Variants in AP4B1 observed in about 807,000 individuals in gnomAD.
The protein encoded by AP4B1 is adaptor related protein complex 4 subunit beta 1, also known as AP-4 complex subunit beta-1.
AP4B1 carries 49 observed loss-of-function variants against 76.5 expected under a neutral mutation model. The ratio of observed to expected loss-of-function variants is 0.64; its 90% CI spans 0.51 to 0.81. The LOEUF (loss-of-function observed/expected upper bound fraction) is 0.81, where lower values mean the gene tolerates loss of function less well. Ranked by LOEUF, AP4B1 falls within the 40% of genes least tolerant of loss-of-function variation. The pLI is 0.00. For synonymous variants in AP4B1, 330 were observed against 333.3 expected (o/e 0.99, Z 0.11); for missense variants, 911 against 904.9 (o/e 1.01, Z -0.09).
rs376130192 is a variant in AP4B1 at position 113,901,068 on chromosome 1, T to C, written c.617+168A>G. 72 of 949,602 alleles carry C rather than the reference T, an allele frequency of 7.6e-5. 2 individuals carry two copies. The South Asian group carries it at 9.4e-4, about 12-fold the overall frequency. The allele number at this position is 949,602 out of a possible 1,614,324, so 58.8% of individuals were successfully genotyped here. On this transcript the variant is annotated intron_variant, in intron 4 of 9. Transcript: ENST00000369569. ...GTTGCGGTAAGCCGAGATAGCGCCA[T>C]TGCACTCCAGCTTAGACAACAAGAG...
At chr1:113,904,867 C>CG (rs1668780616), upstream of AP4B1, 1 of 725,630 alleles carries the variant, frequency 1.4e-6, no homozygotes, top group Non-Finnish European at 2.4e-6. Flanking sequence ...TCCGTAGGGC[C>CG]GGCACGCTGG....
In AP4B1 at chr1:113,904,799, T is replaced by G; in HGVS notation, c.-82A>C. The G allele has an allele frequency of 8.5e-7, 1 of 1,170,098 alleles. No individual in the cohort carries two copies. 72.5% of individuals were successfully genotyped at this position (1,170,098 alleles called of 1,614,324 possible). Reference sequence around the variant, plus strand: ...TCTCGTCCTGATGTGGGAGCCTGAGTAAAGGAAATATGAGTCAGTGAAAAT... The same window carrying G: ...TCTCGTCCTGATGTGGGAGCCTGAGGAAAGGAAATATGAGTCAGTGAAAAT... On this transcript the variant is annotated 5_prime_UTR_variant, in exon 1 of 10. Transcript: ENST00000369569.
chr1:113,897,602 CA>C, intron 7 of AP4B1: 1 of 550,544 alleles, frequency 1.8e-6, no homozygotes, highest in Non-Finnish European at 3.2e-6. Context: ...CAAAACAAAA[CA>C]AAACAGAACT....
intron 1 of AP4B1, 97 bp downstream of exon 1, chr1:113,904,508 T>TGA (rs1166086219): frequency 8.6e-7 from 1 of 1,162,694 alleles, no homozygotes; most frequent in Non-Finnish European, 1.3e-6. Context: ...CTGCCACGTG[T>TGA]GAAAGCTAAT....
rs1332341926 is a variant in AP4B1, at chr1:113,897,856, T to C, written c.1286A>G (p.Asn429Ser). The change falls in exon 7 of 10, where the codon AAC becomes AGC. Residue 429 changes from asparagine (N) to serine (S), a missense_variant. Asn to Ser is a conservative substitution (Grantham distance 46). Transcript: ENST00000369569. ...ACAGTCTACCTCACTATCTTGAATG[T>C]TCTCTTCACAGCCGGGCAGGGCCTG... ...VCQALPGCEE[N>S]IQDSEGKQAL... is the part of the protein sequence containing the mutation. 1 of 1,614,142 alleles carries C rather than the reference T, an allele frequency of 6.2e-7. No homozygotes were observed. The highest frequency in any genetic ancestry group is 2.2e-5 in the East Asian group (1 of 44,884).
At chr1:113,903,177 T>G (rs1668522308) in intron 1 of AP4B1, among the ~76,000 whole-genome samples, 1 of 152,266 alleles carries the variant, frequency 6.6e-6, no homozygotes, top group Admixed American at 6.5e-5. Context: ...GCGATTCTCC[T>G]GCCTCAGCCT....
rs1182127183 is a variant in AP4B1 at position 113,896,008 on chromosome 1, C to T, written c.1541G>A (p.Arg514Gln). Residue 514 changes from arginine (R) to glutamine (Q), a missense_variant, in exon 9 of 10, where the codon CGA becomes CAA. Transcript: ENST00000369569. ...EEEKDMAVRD[R>Q]GLFYYRLLLV... ...GAGGAGGCGATAATAGAAGAGACCT[C>T]GGTCCCGTACAGCCATATCTTTTTC... 8 of 1,614,198 alleles carry T rather than the reference C, an allele frequency of 5.0e-6. No homozygotes were observed. The highest frequency in any genetic ancestry group is 1.3e-5 in the African/African-American group (1 of 75,044).
rs1253444838 is a variant in AP4B1 at position 113,904,647 on chromosome 1, G to T, written c.71C>A (p.Ala24Asp). Residue 24 changes from alanine to aspartate, a missense_variant, in exon 1 of 10, where the codon GCT becomes GAT. Transcript: ENST00000369569. ...GACATTCCGGTAGCGCAGCCTATCA[G>T]CTTGAATGTGAGGATTGCACAGAGC... ...KKALCNPHIQADRLRYRNVIQ... is the reference protein window; with the variant it reads ...KKALCNPHIQDDRLRYRNVIQ... 2 of 1,613,544 alleles carry T rather than the reference G, an allele frequency of 1.2e-6. No individual in the cohort carries two copies. Among genetic ancestry groups the T allele is most frequent in the Non-Finnish European group, 1.7e-6 (2 of 1,180,022 alleles).
intron 5 of AP4B1, chr1:113,899,405 G>T: frequency 1.0e-6 from 1 of 953,590 alleles, no homozygotes; most frequent in Non-Finnish European, 1.3e-6. Flanking sequence ...ACAATACATA[G>T]CCCATAGCAG....
intron 1 of AP4B1, among the ~76,000 whole-genome samples, chr1:113,903,652 C>G (rs1668588832): frequency 6.6e-6 from 1 of 152,216 alleles, no homozygotes; most frequent in African/African-American, 2.4e-5. Context: ...TGAGCAGGAG[C>G]TCACTAGGCA....
intron 7 of AP4B1, 49 bp downstream of exon 7, chr1:113,897,791 T>C (rs1162521089): frequency 6.3e-7 from 1 of 1,589,472 alleles, no homozygotes; most frequent in Non-Finnish European, 8.6e-7. Context: ...AAGGGCAGGG[T>C]TTCAAGCATT....
At chr1:113,900,642 T>TA in intron 4 of AP4B1, 1 of 557,992 alleles carries the variant, frequency 1.8e-6, no homozygotes, top group Non-Finnish European at 3.1e-6. Flanking sequence ...ATGATCAGCA[T>TA]ACACTGGGTC....
chr1:113,899,250 C>T, intron 5 of AP4B1: 1 of 1,018,252 alleles, frequency 9.8e-7, no homozygotes, highest in Non-Finnish European at 1.2e-6. Context: ...AGGGTTGCTC[C>T]TCCTCCTGTA....
In AP4B1 at chr1:113,904,744, C is replaced by T; in HGVS notation, c.-27G>A. 6.3e-7 allele frequency: 1 copy of T among 1,592,252 alleles called. No individual in the cohort carries two copies. Among genetic ancestry groups the T allele is most frequent in the Non-Finnish European group, 8.6e-7 (1 of 1,161,944 alleles). Reference sequence around the variant, plus strand: ...TTCCTAAGAGTCACAGGGCAGCTCCCACAGCTCCCACGGTAACTCGAGGGC... The same window carrying T: ...TTCCTAAGAGTCACAGGGCAGCTCCTACAGCTCCCACGGTAACTCGAGGGC... On this transcript the variant is annotated 5_prime_UTR_variant, in exon 1 of 10. Coordinates refer to ENST00000369569, the MANE Select transcript of AP4B1 (RefSeq NM_001253852.3).
upstream of AP4B1, chr1:113,904,954 G>A (rs1300283804): frequency 2.0e-6 from 1 of 501,246 alleles, no homozygotes; most frequent in Non-Finnish European, 3.7e-6. Context: ...TCGGCCGGCA[G>A]GCCGTTCGCC....
intron 4 of AP4B1, 176 bp downstream of exon 4, chr1:113,901,060 T>G: frequency 1.1e-6 from 1 of 871,580 alleles, no homozygotes; most frequent in Non-Finnish European, 1.7e-6. Context: ...TAAGCCGAGA[T>G]AGCGCCATTG....
chr1:113,899,248 T>C, intron 5 of AP4B1: 4 of 1,018,932 alleles, frequency 3.9e-6, no homozygotes, highest in Non-Finnish European at 3.5e-6. Flanking sequence ...TGAGGGTTGC[T>C]CCTCCTCCTG....
chr1:113,900,045 G>A lies in AP4B1; in HGVS notation c.973C>T (p.Pro325Ser), dbSNP rs1668028890. ...YKKFFCSYSE[P>S]HYIKLQKVEV... ...ACTTTCTGTAGTTTGATGTAGTGGG[G>A]CTCCGAGTAGGAGCAAAAAAACTTT... The change falls in exon 5 of 10, where the codon CCC becomes TCC. Residue 325 changes from proline (P) to serine (S), a missense_variant. By Grantham distance (74) the Pro-to-Ser change is moderately conservative. Coordinates refer to ENST00000369569, the MANE Select transcript of AP4B1 (RefSeq NM_001253852.3). 1 of 1,614,204 alleles carries A rather than the reference G, an allele frequency of 6.2e-7. No individual in the cohort carries two copies. Among genetic ancestry groups the A allele is most frequent in the Non-Finnish European group, 8.5e-7 (1 of 1,180,042 alleles).
Position 113,900,169 on chromosome 1 carries a change from A to T in AP4B1, c.849T>A (p.Ala283=). 1.2e-6 allele frequency: 2 copies of T among 1,614,252 alleles called. No homozygotes were observed. The highest frequency in any genetic ancestry group is 1.7e-6 in the Non-Finnish European group (2 of 1,180,050). ...VLVRVKGPLL[A]ACSSESRELC... ...GCTCACGGCTCTCTGAAGAACAGGC[A>T]GCTAGCAAAGGTCCCTTGACCCGCA... is the stretch of plus-strand genomic sequence containing the variant. Residue 283 remains alanine, a synonymous_variant, in exon 5 of 10, where the codon GCT becomes GCA. Coordinates refer to ENST00000369569, the MANE Select transcript of AP4B1 (RefSeq NM_001253852.3).
Sources: gnomAD v4.1 joint callset for allele counts (sites outside exome capture counted in the v4.1 genomes callset) on GRCh38, gnomAD v4.1.1 for gene constraint, MANE v1.5 for transcripts, NCBI Gene and HGNC (gene_info 2026-07-23, HGNC 2026-07-21) for gene names.